OVCH1: variants seen among roughly 807,000 people sequenced by gnomAD.
The protein encoded by OVCH1 is ovochymase 1, also known as ovochymase-1.
A neutral mutation model predicts 138.4 loss-of-function variants in OVCH1; 139 were observed. The observed-to-expected ratio is 1.00, with a 90% CI of 0.87 to 1.16. The LOEUF (loss-of-function observed/expected upper bound fraction) is 1.16. Among genes scored for constraint, OVCH1 ranks in the 50% most tolerant of loss-of-function variants. The probability of loss-of-function intolerance (pLI) is 0.00; values close to 1 mark genes in which losing one functional copy is unlikely to be tolerated. For synonymous variants in OVCH1, 453 were observed against 467.8 expected (o/e 0.97, Z 0.41); for missense variants, 1,367 against 1,357.9 (o/e 1.01, Z -0.11).
At chr12:29,462,533 A>G (rs995796212) in intron 18 of OVCH1, among the ~76,000 whole-genome samples, 4 of 151,978 alleles carry the variant, frequency 2.6e-5, no homozygotes, top group South Asian at 4.1e-4. Context: ...ATTTATTTTC[A>G]TATTTGATCC....
At chr12:29,423,717 A>G (rs1423236299), downstream of OVCH1, among the ~76,000 whole-genome samples, 3 of 152,262 alleles carry the variant, frequency 2.0e-5, no homozygotes, top group Non-Finnish European at 2.9e-5. Context: ...TTTGCTGTAC[A>G]TTTAAGTTCT....
At chr12:29,451,515 C>G in exon 22 of OVCH1, 3 of 1,613,060 alleles carry the variant, frequency 1.9e-6, no homozygotes, top group Non-Finnish European at 2.5e-6. Context: ...CAGTAGATAC[C>G]GTGGTGTGGG....
the OVCH1 span, among the ~76,000 whole-genome samples, chr12:29,405,193 T>A: frequency 1.3e-5 from 2 of 152,166 alleles, no homozygotes; most frequent in Non-Finnish European, 2.9e-5. Flanking sequence ...GGTTCATTTG[T>A]TTTTAAGGTA....
At chr12:29,483,586 G>A (rs1040249156) in intron 8 of OVCH1, among the ~76,000 whole-genome samples, 8 of 152,100 alleles carry the variant, frequency 5.3e-5, no homozygotes, top group African/African-American at 1.9e-4. Context: ...ATTAAGTCCC[G>A]ATCATCCTTT....
intron 25 of OVCH1, among the ~76,000 whole-genome samples, chr12:29,442,907 C>G (rs1285320671): frequency 3.3e-5 from 5 of 151,492 alleles, no homozygotes; most frequent in Non-Finnish European, 7.4e-5. Flanking sequence ...AGATGTTTTT[C>G]CCAAATTAAA....
chr12:29,462,711 T>G (rs754837927), intron 18 of OVCH1, among the ~76,000 whole-genome samples: 8 of 152,098 alleles, frequency 5.3e-5, no homozygotes, highest in Non-Finnish European at 1.0e-4. Context: ...AAGAGTTTTA[T>G]TCCAACCTAA....
chr12:29,444,730 C>A (rs1468364758), intron 23 of OVCH1, among the ~76,000 whole-genome samples: 3 of 151,808 alleles, frequency 2.0e-5, no homozygotes, highest in African/African-American at 7.3e-5. Context: ...TTTCAGTTGT[C>A]TACATCAAGA....
At chr12:29,417,773 G>C (rs867821650) in intron 3 of OVCH1, among the ~76,000 whole-genome samples, 176 of 88,416 alleles carry the variant, frequency 2.0e-3, no homozygotes, top group African/African-American at 0.012. Context: ...GTGTGTGTGT[G>C]TGTGTGTGTG....
At chr12:29,434,600 C>T (rs1372865711) in intron 26 of OVCH1, among the ~76,000 whole-genome samples, 1 of 151,710 alleles carries the variant, frequency 6.6e-6, no homozygotes, top group Non-Finnish European at 1.5e-5. Context: ...ACCAGAAATA[C>T]AAAAAGAGTC....
intron 6 of OVCH1, among the ~76,000 whole-genome samples, chr12:29,488,531 A>T (rs966859237): frequency 6.7e-6 from 1 of 148,932 alleles, no homozygotes; most frequent in Non-Finnish European, 1.5e-5. Context: ...AGGCAGGAGA[A>T]TTGCTTGAAC....
intron 17 of OVCH1, 47 bp downstream of exon 17, chr12:29,465,095 TGTGAC>T (rs1433905443): frequency 6.9e-7 from 1 of 1,459,716 alleles, no homozygotes; most frequent in Non-Finnish European, 9.4e-7. Flanking sequence ...TTCCTTGGCA[TGTGAC>T]AACATTTAGA....
At chr12:29,476,802 CACACAG>C (rs9300189) in intron 12 of OVCH1, among the ~76,000 whole-genome samples, 3,605 of 45,064 alleles carry the variant, frequency 0.08, 84 homozygotes, top group African/African-American at 0.11. Context: ...CACACACACA[CACACAG>C]GTTAGTAAAT....
At chr12:29,411,234 CT>C (rs1192371313), downstream of OVCH1, among the ~76,000 whole-genome samples, 4 of 132,616 alleles carry the variant, frequency 3.0e-5, no homozygotes, top group East Asian at 8.6e-4. Context: ...TTTTTAACTT[CT>C]TTGCCTTTGG....
At chr12:29,459,335 A>G (rs956764405) in intron 19 of OVCH1, among the ~76,000 whole-genome samples, 3 of 152,192 alleles carry the variant, frequency 2.0e-5, no homozygotes, top group African/African-American at 7.2e-5. Flanking sequence ...ATTTGCAACA[A>G]TGTGTATGGA....
chr12:29,419,581 A>G (rs1364636313), intron 3 of OVCH1, among the ~76,000 whole-genome samples: 1 of 152,108 alleles, frequency 6.6e-6, no homozygotes, highest in African/African-American at 2.4e-5. Context: ...GGCATGAGCC[A>G]CTGCGCCTGG....
chr12:29,470,462 T>C (rs572313884), intron 16 of OVCH1, among the ~76,000 whole-genome samples: 1 of 152,166 alleles, frequency 6.6e-6, no homozygotes, highest in African/African-American at 2.4e-5. Context: ...AGTGAGAACA[T>C]GCATTGTTTG....
exon 5 of OVCH1, chr12:29,412,525 G>C (rs183630798): frequency 6.6e-6 from 1 of 152,114 alleles, no homozygotes; most frequent in Admixed American, 6.5e-5. Flanking sequence ...ACCATTATTC[G>C]TATTAAAAAT....
intron 19 of OVCH1, among the ~76,000 whole-genome samples, chr12:29,457,387 A>ATTTT (rs57856732): frequency 1.5e-5 from 1 of 68,818 alleles, no homozygotes; most frequent in African/African-American, 6.1e-5. Context: ...AAACAAATGA[A>ATTTT]TTTTTTTTTT....
rs747149993 is a variant in OVCH1 at position 29,443,484 on chromosome 12, C to T, written c.3034G>A (p.Val1012Ile). 1.9e-6 allele frequency: 3 copies of T among 1,602,848 alleles called. No individual in the cohort carries two copies. The South Asian group carries it at 3.3e-5, about 18-fold the overall frequency. ...TGAATGATGTGATTTAAAGGGGCTA[C>T]TAATCTCCATTGGCAACTATGGCAT... The change falls in exon 25 of 28, where the codon GTA (valine) becomes ATA (isoleucine). Residue 1012 changes from valine (V) to isoleucine (I), a missense_variant. Coordinates refer to ENST00000318184, the Ensembl canonical transcript of OVCH1.
Sources: allele counts gnomAD v4.1 joint callset (sites outside exome capture counted in the v4.1 genomes callset), GRCh38; gene constraint gnomAD v4.1.1; transcripts MANE v1.5; gene names NCBI Gene and HGNC (gene_info 2026-07-23, HGNC 2026-07-21).